The following ATG4C variants were observed in gnomAD, a reference collection of about 807,000 sequenced individuals.
The protein encoded by ATG4C is autophagy related 4C cysteine peptidase, also known as cysteine protease ATG4C.
Under a neutral mutation model 57.6 loss-of-function variants are expected in ATG4C, and 56 were observed. The observed-to-expected ratio is 0.97, with a 90% confidence interval of 0.78 to 1.21. The LOEUF is 1.21. Among genes scored for constraint, ATG4C ranks in the 50% most tolerant of loss-of-function variants. The pLI is 0.00. For synonymous variants in ATG4C, 157 were observed against 174.1 expected, an observed-to-expected ratio of 0.90 and a Z score of 0.78; for missense variants, 595 against 529.8, an observed-to-expected ratio of 1.12 and a Z score of -1.21.
chr1:62,821,371 A>G (rs1226194692), intron 6 of ATG4C, among the ~76,000 whole-genome samples, 162 bp downstream of exon 6: 1 of 152,016 alleles, frequency 6.6e-6, no homozygotes, highest in Non-Finnish European at 1.5e-5. Flanking sequence ...ATATTTTTTG[A>G]TTGAATACAT....
intron 10 of ATG4C, 58 bp downstream of exon 10, chr1:62,841,605 GT>G: frequency 7.4e-7 from 1 of 1,359,548 alleles, no homozygotes; most frequent in Non-Finnish European, 9.9e-7. Flanking sequence ...GAAACAGACT[GT>G]CAGAAAGCAA....
chr1:62,796,208 T>G (rs74734742), intron 1 of ATG4C, among the ~76,000 whole-genome samples: 3 of 81,208 alleles, frequency 3.7e-5, no homozygotes, highest in Admixed American at 2.4e-4. Flanking sequence ...TTTGTGTGGG[T>G]TTTTTTTTTT....
chr1:62,800,389 A>G (rs1285709624), intron 1 of ATG4C, among the ~76,000 whole-genome samples: 1 of 152,120 alleles, frequency 6.6e-6, no homozygotes, highest in Non-Finnish European at 1.5e-5. Flanking sequence ...TACTTTTAAC[A>G]TTTTGCTGTA....
chr1:62,803,243 A>G (rs544744156), intron 1 of ATG4C, among the ~76,000 whole-genome samples: 145 of 152,316 alleles, frequency 9.5e-4, no homozygotes, highest in African/African-American at 2.9e-3. Context: ...AAATAATTAG[A>G]CTTTATGTGA....
At chr1:62,853,687 C>G (rs2100360639) in intron 10 of ATG4C, among the ~76,000 whole-genome samples, 1 of 152,284 alleles carries the variant, frequency 6.6e-6, no homozygotes. Flanking sequence ...CTCATGCAAT[C>G]CTCCTGCCTC....
intron 3 of ATG4C, among the ~76,000 whole-genome samples, chr1:62,811,184 T>C (rs923030363): frequency 7.2e-5 from 11 of 152,224 alleles, no homozygotes; most frequent in African/African-American, 1.2e-4. Flanking sequence ...CTCCAAGTCA[T>C]CTACAATGAA....
intron 3 of ATG4C, among the ~76,000 whole-genome samples, chr1:62,809,509 CA>C (rs1664998396): frequency 6.9e-6 from 1 of 145,658 alleles, no homozygotes; most frequent in South Asian, 2.1e-4. Flanking sequence ...ATATAGTCTA[CA>C]ATTATAATTA....
intron 9 of ATG4C, among the ~76,000 whole-genome samples, chr1:62,836,644 G>A (rs1666007943): frequency 6.6e-6 from 1 of 151,950 alleles, no homozygotes; most frequent in East Asian, 1.9e-4. Flanking sequence ...TATACTGCTT[G>A]TATATTTATA....
chr1:62,842,993 G>A (rs1452777905), intron 10 of ATG4C, among the ~76,000 whole-genome samples: 1 of 152,006 alleles, frequency 6.6e-6, no homozygotes, highest in Non-Finnish European at 1.5e-5. Flanking sequence ...AGGTGATATT[G>A]TGATATTTAT....
At chr1:62,861,929 G>A (rs1201094372) in intron 10 of ATG4C, among the ~76,000 whole-genome samples, 1 of 151,980 alleles carries the variant, frequency 6.6e-6, no homozygotes, top group Non-Finnish European at 1.5e-5. Flanking sequence ...TGACAATGTA[G>A]CCATTCTTGT....
At chr1:62,815,452 A>G (rs1201171280) in intron 3 of ATG4C, among the ~76,000 whole-genome samples, 3 of 152,154 alleles carry the variant, frequency 2.0e-5, no homozygotes, top group African/African-American at 7.2e-5. Context: ...CACCCCACAC[A>G]TCTTACTTAA....
chr1:62,801,147 G>T (rs952248679), intron 1 of ATG4C, among the ~76,000 whole-genome samples: 3 of 152,162 alleles, frequency 2.0e-5, no homozygotes, highest in African/African-American at 7.2e-5. Flanking sequence ...GAGTAAGTAG[G>T]CAGAGGTTAT....
intron 10 of ATG4C, among the ~76,000 whole-genome samples, chr1:62,862,860 T>C (rs552523720): frequency 1.1e-3 from 173 of 152,196 alleles, no homozygotes; most frequent in African/African-American, 4.0e-3. Context: ...TGTTGACATT[T>C]GAGATAATGC....
intron 3 of ATG4C, among the ~76,000 whole-genome samples, chr1:62,809,735 A>C (rs983161014): frequency 4.6e-5 from 7 of 151,484 alleles, no homozygotes; most frequent in Non-Finnish European, 7.4e-5. Context: ...TGAATATGAA[A>C]AACTTGAACA....
chr1:62,815,285 A>G (rs1572121684), intron 3 of ATG4C, among the ~76,000 whole-genome samples: 2 of 146,882 alleles, frequency 1.4e-5, no homozygotes, highest in African/African-American at 5.1e-5. Flanking sequence ...ATAACTTTTT[A>G]TTGTTATTTT....
chr1:62,789,574 G>C (rs1664200116), intron 1 of ATG4C, among the ~76,000 whole-genome samples: 1 of 152,176 alleles, frequency 6.6e-6, no homozygotes, highest in South Asian at 2.1e-4. Flanking sequence ...AGCACTTTGG[G>C]AGGCCGAGGC....
chr1:62,806,954 A>C (rs987575211), intron 3 of ATG4C, among the ~76,000 whole-genome samples: 4 of 152,206 alleles, frequency 2.6e-5, no homozygotes, highest in African/African-American at 9.6e-5. Flanking sequence ...TTTGGTTCAA[A>C]CAACTTTACT....
intron 1 of ATG4C, among the ~76,000 whole-genome samples, chr1:62,798,679 C>G (rs1262773355): frequency 2.0e-5 from 3 of 151,482 alleles, no homozygotes; most frequent in African/African-American, 7.3e-5. Context: ...GAGTCTTGCT[C>G]TGTTGCCCAG....
chr1:62,863,185 C>A (rs1019072841), intron 10 of ATG4C, among the ~76,000 whole-genome samples: 1 of 151,728 alleles, frequency 6.6e-6, no homozygotes, highest in Admixed American at 6.6e-5. Context: ...AATATCCTCA[C>A]AAAATTCTAG....
Sources: allele counts gnomAD v4.1 joint callset (sites outside exome capture counted in the v4.1 genomes callset), GRCh38; gene constraint gnomAD v4.1.1; transcripts MANE v1.5; gene names NCBI Gene and HGNC (gene_info 2026-07-23, HGNC 2026-07-21).